The following ERO1B variants were observed in gnomAD, a reference collection of about 807,000 sequenced individuals.
ERO1B encodes the protein endoplasmic reticulum oxidoreductase 1 beta, also known as ERO1-like protein beta.
ERO1B carries 49 observed loss-of-function variants against 75.3 expected under a neutral mutation model. The observed-to-expected ratio is 0.65, with a 90% confidence interval of 0.52 to 0.83. The LOEUF (loss-of-function observed/expected upper bound fraction) is 0.83. Ranked by LOEUF, ERO1B falls within the 40% of genes least tolerant of loss-of-function variation. ERO1B has a pLI of 0.00. For synonymous variants in ERO1B, 191 were observed against 192.9 expected (o/e 0.99, Z 0.08); for missense variants, 512 against 560.1 (o/e 0.91, Z 0.87).
At chr1:236,227,368 CT>C (rs1287757946) in intron 10 of ERO1B, among the ~76,000 whole-genome samples, 1 of 152,098 alleles carries the variant, frequency 6.6e-6, no homozygotes, top group Non-Finnish European at 1.5e-5. Flanking sequence ...GCCACAGGGG[CT>C]TTTTTGCTGA....
At chr1:236,268,403 G>A (rs1665503147) in intron 2 of ERO1B, among the ~76,000 whole-genome samples, 2 of 151,732 alleles carry the variant, frequency 1.3e-5, no homozygotes, top group East Asian at 3.9e-4. Context: ...TGGAGCCACT[G>A]CACTCCAGTC....
Position 236,216,325 on chromosome 1 carries a change from C to T in ERO1B, c.*2191G>A, listed in dbSNP as rs149030117. 1 of 152,018 alleles carries T rather than the reference C, an allele frequency of 6.6e-6. No individual in the cohort carries two copies. The highest frequency in any genetic ancestry group is 2.4e-5 in the African/African-American group (1 of 41,414). The allele number at this position is 152,018 out of a possible 1,614,324, so 9.4% of individuals were successfully genotyped here. On this transcript the variant is annotated 3_prime_UTR_variant, in exon 16 of 16. Transcript: ENST00000354619. Reference sequence around the variant, plus strand: ...ACTCTAGTATAATATCACTTCACGACAAAAGATGTGAATTGGAAAAACAGT... The same window carrying T: ...ACTCTAGTATAATATCACTTCACGATAAAAGATGTGAATTGGAAAAACAGT...
chr1:236,250,450 T>C (rs1325725859), intron 4 of ERO1B, among the ~76,000 whole-genome samples: 2 of 151,670 alleles, frequency 1.3e-5, no homozygotes, highest in African/African-American at 4.8e-5. Flanking sequence ...CCAGCCTGCA[T>C]GACAGAGCAA....
At chr1:236,240,835 T>C (rs1292464549) in intron 6 of ERO1B, among the ~76,000 whole-genome samples, 3 of 150,106 alleles carry the variant, frequency 2.0e-5, no homozygotes, top group African/African-American at 7.3e-5. Context: ...AGACAGTTGT[T>C]AGTGCTTGGG....
intron 6 of ERO1B, among the ~76,000 whole-genome samples, chr1:236,238,657 C>A (rs1664604017): frequency 6.6e-6 from 1 of 150,880 alleles, no homozygotes; most frequent in Non-Finnish European, 1.5e-5. Flanking sequence ...AATTCATCTG[C>A]AAAACTGAAT....
At chr1:236,262,577 G>A (rs1295788964) in intron 2 of ERO1B, among the ~76,000 whole-genome samples, 1 of 147,606 alleles carries the variant, frequency 6.8e-6, no homozygotes, top group African/African-American at 2.5e-5. Context: ...TTTTTTTTTT[G>A]TATTTTTAGT....
chr1:236,270,129 T>G (rs982998877), intron 1 of ERO1B, 135 bp from the exon 2 acceptor site: 2 of 598,470 alleles, frequency 3.3e-6, no homozygotes, highest in African/African-American at 3.7e-5. Flanking sequence ...ATTAAAGCAG[T>G]CAACTTACTT....
intron 9 of ERO1B, among the ~76,000 whole-genome samples, 180 bp from the exon 10 acceptor site, chr1:236,230,430 G>A (rs917885145): frequency 6.6e-5 from 10 of 151,676 alleles, no homozygotes; most frequent in African/African-American, 2.4e-4. Flanking sequence ...TGGCCAACAT[G>A]GCGAAACCCC....
chr1:236,241,541 TCAAAA>T (rs879484229), intron 6 of ERO1B, among the ~76,000 whole-genome samples: 11 of 135,688 alleles, frequency 8.1e-5, no homozygotes, highest in East Asian at 4.3e-4. Flanking sequence ...AGACTCCATC[TCAAAA>T]CAAAACAAAA....
intron 8 of ERO1B, among the ~76,000 whole-genome samples, 169 bp from the exon 9 acceptor site, chr1:236,233,008 G>A (rs1049819528): frequency 1.7e-4 from 26 of 152,078 alleles, no homozygotes; most frequent in African/African-American, 6.0e-4. Context: ...AGGTCAAAGA[G>A]TATAAGATTT....
intron 6 of ERO1B, among the ~76,000 whole-genome samples, chr1:236,242,045 G>A (rs1664718965): frequency 6.7e-6 from 1 of 148,428 alleles, no homozygotes. Flanking sequence ...TCCAGCCTGG[G>A]CGACACAGCG....
intron 1 of ERO1B, among the ~76,000 whole-genome samples, chr1:236,274,497 A>G (rs997839278): frequency 6.6e-6 from 1 of 152,176 alleles, no homozygotes. Flanking sequence ...GCAGAAATCA[A>G]TACTGCTTCT....
At chr1:236,245,867 C>T (rs1664874454) in intron 5 of ERO1B, among the ~76,000 whole-genome samples, 1 of 151,640 alleles carries the variant, frequency 6.6e-6, no homozygotes. Context: ...GCTAGGATTA[C>T]AGGCATGAGA....
intron 13 of ERO1B, 82 bp from the exon 14 acceptor site, chr1:236,222,092 G>T: frequency 2.0e-6 from 2 of 995,336 alleles, no homozygotes; most frequent in Non-Finnish European, 3.1e-6. Context: ...AAGTTTTGAT[G>T]CTTATTAATA....
Position 236,236,535 on chromosome 1 carries a change from G to A in ERO1B, c.506-137C>T, listed in dbSNP as rs921900851. On this transcript the variant is annotated intron_variant, in intron 6 of 15. Coordinates refer to ENST00000354619, the MANE Select transcript of ERO1B (RefSeq NM_019891.4). The stretch of plus-strand genomic sequence containing the variant: ...AGTAATCTCCAACTTAAATGGTATA[G>A]TGGTTAGTATACTTGTGACTGTACT... 8.3e-6 allele frequency: 7 copies of A among 846,866 alleles called. No individual in the cohort carries two copies. In the African/African-American group the frequency reaches 8.5e-5, roughly 10 times the overall value. The allele number at this position is 846,866 out of a possible 1,614,324, so 52.5% of individuals were successfully genotyped here. A position where few individuals can be genotyped will look rare whatever the true frequency, so the allele number is the denominator to read the frequency against.
At chr1:236,251,559 G>A in intron 4 of ERO1B, 3 of 627,122 alleles carry the variant, frequency 4.8e-6, no homozygotes, top group Non-Finnish European at 6.0e-6. Flanking sequence ...TGGATGCGCA[G>A]TAGTGAAAAA....
intron 6 of ERO1B, among the ~76,000 whole-genome samples, chr1:236,241,749 C>T (rs1251849714): frequency 6.6e-6 from 1 of 151,344 alleles, no homozygotes; most frequent in Admixed American, 6.6e-5. Flanking sequence ...TTACTTTCTA[C>T]AATTTAAGAA....
intron 5 of ERO1B, among the ~76,000 whole-genome samples, chr1:236,245,306 A>ATG (rs1553371926): frequency 9.2e-5 from 2 of 21,784 alleles, no homozygotes; most frequent in Non-Finnish European, 2.9e-4. Context: ...AAATATATAT[A>ATG]TATATATATA....
chr1:236,226,103 C>T (rs961155322), intron 12 of ERO1B, among the ~76,000 whole-genome samples, 166 bp downstream of exon 12: 1 of 152,170 alleles, frequency 6.6e-6, no homozygotes, highest in Non-Finnish European at 1.5e-5. Context: ...TTTTCATCAA[C>T]ATTTTCAGAA....
Sources: allele counts gnomAD v4.1 joint callset (sites outside exome capture counted in the v4.1 genomes callset), GRCh38; gene constraint gnomAD v4.1.1; transcripts MANE v1.5; gene names NCBI Gene and HGNC (gene_info 2026-07-23, HGNC 2026-07-21).